Variants in RAVER2 observed in about 807,000 individuals in gnomAD.
RAVER2 encodes ribonucleoprotein, PTB binding 2.
RAVER2 carries 46 observed loss-of-function variants against 78.1 expected under a neutral mutation model. The ratio of observed to expected loss-of-function variants is 0.59; its 90% CI spans 0.46 to 0.75. The LOEUF is 0.75. Ranked by LOEUF, RAVER2 falls within the 30% of genes least tolerant of loss-of-function variation. RAVER2 has a pLI of 0.00. For missense variants in RAVER2, 793 were observed against 837.5 expected (o/e 0.95, Z 0.66); for synonymous variants, 311 against 313.3 (o/e 0.99, Z 0.08).
At chr1:64,781,152 A>G (rs145553815) in intron 3 of RAVER2, among the ~76,000 whole-genome samples, 69 of 152,344 alleles carry the variant, frequency 4.5e-4, no homozygotes, top group Middle Eastern at 3.4e-3. Flanking sequence ...GTTAAAATAA[A>G]TTAGAAAATT....
At chr1:64,825,538 G>A (rs907851979) in intron 11 of RAVER2, among the ~76,000 whole-genome samples, 1 of 152,142 alleles carries the variant, frequency 6.6e-6, no homozygotes, top group African/African-American at 2.4e-5. Flanking sequence ...ATCTTTAATT[G>A]GACTGATAGC....
intron 5 of RAVER2, among the ~76,000 whole-genome samples, chr1:64,791,104 C>T (rs1404686608): frequency 3.9e-5 from 6 of 152,178 alleles, no homozygotes; most frequent in African/African-American, 7.2e-5. Context: ...ATAAAGAGCA[C>T]AGGCAAGGGA....
intron 5 of RAVER2, among the ~76,000 whole-genome samples, chr1:64,797,495 A>G (rs1653126908): frequency 1.3e-5 from 2 of 152,246 alleles, no homozygotes; most frequent in African/African-American, 4.8e-5. Context: ...CAGTGATGAT[A>G]TGAAAAAGAG....
intron 1 of RAVER2, among the ~76,000 whole-genome samples, chr1:64,749,164 G>A (rs1053519088): frequency 6.6e-6 from 1 of 151,778 alleles, no homozygotes; most frequent in African/African-American, 2.4e-5. Flanking sequence ...GATTAGTCCC[G>A]CATTGGATTC....
intron 1 of RAVER2, among the ~76,000 whole-genome samples, chr1:64,758,477 G>A (rs534929729): frequency 6.6e-6 from 1 of 152,180 alleles, no homozygotes; most frequent in South Asian, 2.1e-4. Flanking sequence ...GGGGAAATTC[G>A]AGGATTGAAG....
At chr1:64,801,877 C>T (rs939160173) in intron 5 of RAVER2, among the ~76,000 whole-genome samples, 9 of 151,968 alleles carry the variant, frequency 5.9e-5, no homozygotes, top group African/African-American at 2.2e-4. Flanking sequence ...CAAAAACAAA[C>T]AAACAAAAAA....
chr1:64,789,058 G>T (rs542179290), intron 4 of RAVER2, among the ~76,000 whole-genome samples: 1 of 152,016 alleles, frequency 6.6e-6, no homozygotes, highest in Non-Finnish European at 1.5e-5. Context: ...TAGTATCAAA[G>T]TATCCATATT....
At chr1:64,789,141 G>A (rs1652865847) in intron 4 of RAVER2, among the ~76,000 whole-genome samples, 1 of 152,130 alleles carries the variant, frequency 6.6e-6, no homozygotes, top group African/African-American at 2.4e-5. Context: ...GAGACTCATT[G>A]TGCTAAATTG....
intron 11 of RAVER2, among the ~76,000 whole-genome samples, chr1:64,820,497 T>G (rs1653858818): frequency 6.6e-6 from 1 of 152,188 alleles, no homozygotes; most frequent in Non-Finnish European, 1.5e-5. Flanking sequence ...TTGTACATAT[T>G]ATTTCATCAC....
At chr1:64,764,876 A>G (rs552438148) in intron 1 of RAVER2, among the ~76,000 whole-genome samples, 1 of 152,352 alleles carries the variant, frequency 6.6e-6, no homozygotes, top group South Asian at 2.1e-4. Flanking sequence ...TATATAAGAT[A>G]ATCTCCATTA....
chr1:64,786,670 A>G (rs1241242907), intron 4 of RAVER2, among the ~76,000 whole-genome samples: 1 of 152,176 alleles, frequency 6.6e-6, no homozygotes, highest in African/African-American at 2.4e-5. Context: ...GCAAGCACCT[A>G]TAATCCCAAC....
chr1:64,775,598 ACT>A (rs1296561097), intron 2 of RAVER2, among the ~76,000 whole-genome samples: 22 of 152,306 alleles, frequency 1.4e-4, no homozygotes, highest in African/African-American at 5.3e-4. Flanking sequence ...ACTGTGTGTG[ACT>A]CTGCCAGGAA....
exon 12 of RAVER2, chr1:64,832,697 T>C (rs917430540): frequency 1.3e-5 from 2 of 152,196 alleles, no homozygotes; most frequent in Non-Finnish European, 2.9e-5. Flanking sequence ...TGTTGGAAAA[T>C]GACTGACAGC....
intron 5 of RAVER2, among the ~76,000 whole-genome samples, chr1:64,794,775 AT>A (rs1391230034): frequency 2.0e-5 from 3 of 152,104 alleles, no homozygotes; most frequent in African/African-American, 4.8e-5. Flanking sequence ...GTTTGCAAAT[AT>A]TTTTTTAACA....
intron 11 of RAVER2, among the ~76,000 whole-genome samples, chr1:64,822,069 C>T (rs1653902575): frequency 1.3e-5 from 2 of 152,164 alleles, no homozygotes; most frequent in African/African-American, 4.8e-5. Context: ...GGGCGGATCA[C>T]GAGGTCAGGA....
At chr1:64,830,790 T>C (rs772652293) in intron 11 of RAVER2, 49 bp from the exon 12 acceptor site, 1 of 1,483,068 alleles carries the variant, frequency 6.7e-7, no homozygotes, top group South Asian at 1.2e-5. Flanking sequence ...CTTTAATGAA[T>C]AAGCCAACTT....
intron 9 of RAVER2, among the ~76,000 whole-genome samples, chr1:64,809,401 T>C (rs1267818085): frequency 2.0e-5 from 3 of 152,128 alleles, no homozygotes; most frequent in Admixed American, 2.0e-4. Flanking sequence ...TTAACTTTGC[T>C]TCAGATGTTT....
intron 5 of RAVER2, among the ~76,000 whole-genome samples, chr1:64,793,864 G>C (rs534431520): frequency 1.1e-4 from 16 of 152,224 alleles, no homozygotes; most frequent in Non-Finnish European, 1.9e-4. Context: ...GTTCATTCAC[G>C]TTGTTACATG....
chr1:64,793,051 A>C (rs1652988172), intron 5 of RAVER2, among the ~76,000 whole-genome samples: 1 of 152,098 alleles, frequency 6.6e-6, no homozygotes, highest in Non-Finnish European at 1.5e-5. Context: ...AAAAGTACAA[A>C]CATTAGCTGG....
Sources: allele counts gnomAD v4.1 joint callset (sites outside exome capture counted in the v4.1 genomes callset), GRCh38; gene constraint gnomAD v4.1.1; transcripts MANE v1.5; gene names NCBI Gene and HGNC (gene_info 2026-07-23, HGNC 2026-07-21).